TXLNG: variants seen among roughly 807,000 people sequenced by gnomAD.
TXLNG encodes the protein taxilin gamma.
TXLNG carries 5 observed loss-of-function variants against 38.8 expected under a neutral mutation model. The observed-to-expected ratio is 0.13, with a 90% CI of 0.07 to 0.27. TXLNG has a LOEUF of 0.27. TXLNG is among the 10% of genes least tolerant of loss of function. The pLI is 1.00. For synonymous variants in TXLNG, 182 were observed against 158.2 expected (o/e 1.15, Z -1.13); for missense variants, 393 against 398.2 (o/e 0.99, Z 0.11).
At position 16,786,479 on chromosome X, in the gene TXLNG, C is replaced by T. The variant is rs1260434760; in HGVS notation, c.-9C>T. On this transcript the variant is annotated 5_prime_UTR_variant, in exon 1 of 10. Transcript: ENST00000380122. Reference sequence around the variant, plus strand: ...GTCGGGCCGCTTGTTTGGCTGCTGCCGTCACCTCATGGCGACGCGGGTAGA... The same window carrying T: ...GTCGGGCCGCTTGTTTGGCTGCTGCTGTCACCTCATGGCGACGCGGGTAGA... 8 of 1,112,130 alleles carry T rather than the reference C, an allele frequency of 7.2e-6. No homozygotes were observed. The highest frequency in any genetic ancestry group is 7.7e-5 in the East Asian group (2 of 26,096). 91.7% of individuals were successfully genotyped at this position (1,112,130 alleles called of 1,213,427 possible).
chrX:16,827,956 A>G (rs766819545), intron 3 of TXLNG, 138 bp from the exon 4 acceptor site: 1 of 508,338 alleles, frequency 2.0e-6, no homozygotes, highest in South Asian at 8.6e-5. Context: ...GTAGCATGGC[A>G]TGAAACAATT....
rs138685768 is a variant in TXLNG, at chrX:16,841,544, G to A, written c.1365G>A (p.Leu455=). ...AGCTCAATGAGAAGGTGGAAGTCCT[G>A]AAAGAGCAGGTATCCATCAAAGCGG... The part of the protein sequence containing the change: ...RNELNEKVEV[L]KEQVSIKAAI... The change falls in exon 10 of 10, where the codon CTG becomes CTA. Residue 455 remains leucine, a synonymous_variant. Transcript: ENST00000380122. 2 of 1,210,152 alleles carry A rather than the reference G, an allele frequency of 1.7e-6. No individual in the cohort carries two copies. The highest frequency in any genetic ancestry group is 3.5e-5 in the African/African-American group (2 of 57,137).
At chrX:16,792,873 G>A (rs781617089) in intron 1 of TXLNG, among the ~76,000 whole-genome samples, 15 of 110,487 alleles carry the variant, frequency 1.4e-4, no homozygotes, top group African/African-American at 4.6e-4. Flanking sequence ...GAGGCAGGTG[G>A]ATCACCTGAG....
intron 5 of TXLNG, among the ~76,000 whole-genome samples, chrX:16,831,520 C>T (rs773990343): frequency 5.3e-5 from 6 of 112,672 alleles, no homozygotes; most frequent in African/African-American, 1.6e-4. Context: ...GTTTATATAA[C>T]GCCAGTCTCT....
chrX:16,820,767 ATTATT>A (rs1168332548), intron 3 of TXLNG, among the ~76,000 whole-genome samples: 2 of 112,020 alleles, frequency 1.8e-5, no homozygotes, highest in Admixed American at 1.9e-4. Context: ...TCTCAGCTAT[ATTATT>A]TTATTTTATT....
intron 8 of TXLNG, among the ~76,000 whole-genome samples, chrX:16,838,147 ATTCT>A (rs1929663980): frequency 9.0e-6 from 1 of 111,636 alleles, no homozygotes; most frequent in African/African-American, 3.3e-5. Context: ...CTCCCACTGA[ATTCT>A]TTCTCCCCTG....
chrX:16,831,096 G>T (rs1048491541), intron 5 of TXLNG, among the ~76,000 whole-genome samples: 72 of 111,544 alleles, frequency 6.5e-4, no homozygotes, highest in African/African-American at 2.2e-3. Flanking sequence ...GCTCAAAAAA[G>T]TAAGGATTTA....
At chrX:16,821,723 G>T (rs1233785590) in intron 3 of TXLNG, among the ~76,000 whole-genome samples, 3 of 111,511 alleles carry the variant, frequency 2.7e-5, no homozygotes, top group Non-Finnish European at 5.7e-5. Context: ...GGGCGCGGTG[G>T]CTCACGCCTG....
chrX:16,824,897 G>C (rs916741969), intron 3 of TXLNG, among the ~76,000 whole-genome samples: 3 of 109,447 alleles, frequency 2.7e-5, no homozygotes, highest in African/African-American at 1.0e-4. Flanking sequence ...CTGCATTCCA[G>C]CCTGGGCAGC....
At chrX:16,797,873 A>G (rs894863565) in intron 1 of TXLNG, among the ~76,000 whole-genome samples, 1 of 112,728 alleles carries the variant, frequency 8.9e-6, no homozygotes, top group African/African-American at 3.2e-5. Flanking sequence ...CTGATTTTCC[A>G]AAATGTTACT....
rs747782846 is a variant in TXLNG, at chrX:16,800,562, C to CT, written c.102+13993dup. ...CGAGCCAGGCCTGGAGAGGAGGAAA[C>CT]TTTTTTTTTTTTTTTTTTTTGAGAT... On this transcript the variant is annotated intron_variant, in intron 1 of 9. Transcript: ENST00000380122. Among the ~76,000 whole-genome samples the CT allele has an allele frequency of 5.7e-3, 389 of 68,193 alleles. 1 individual carries two copies. The highest frequency in any genetic ancestry group is 0.012 in the Middle Eastern group (1 of 86). The allele number at this position is 68,193 out of a possible 115,157, so 59.2% of individuals were successfully genotyped here.
chrX:16,823,458 CAAAAAAAAAAAAA>C (rs11311011), intron 3 of TXLNG, among the ~76,000 whole-genome samples: 3 of 24,959 alleles, frequency 1.2e-4, no homozygotes, highest in Admixed American at 7.1e-4. Context: ...AACTCTGTCT[CAAAAAAAAAAAAA>C]AAAAAAAAAA....
intron 1 of TXLNG, among the ~76,000 whole-genome samples, chrX:16,795,029 G>C (rs1927830755): frequency 9.0e-6 from 1 of 111,325 alleles, no homozygotes; most frequent in African/African-American, 3.3e-5. Context: ...TGTAATCCCA[G>C]CACTTTGGGA....
At chrX:16,794,473 A>G (rs1288586124) in intron 1 of TXLNG, among the ~76,000 whole-genome samples, 6 of 111,829 alleles carry the variant, frequency 5.4e-5, no homozygotes, top group African/African-American at 1.6e-4. Flanking sequence ...ACTTCCTGCA[A>G]CAGTACCTCC....
At chrX:16,815,467 G>A (rs1928702878) in intron 1 of TXLNG, among the ~76,000 whole-genome samples, 1 of 111,051 alleles carries the variant, frequency 9.0e-6, no homozygotes, top group South Asian at 3.8e-4. Context: ...GAGCCACCGC[G>A]ACCGGCCTGT....
At chrX:16,822,626 G>A (rs1460214154) in intron 3 of TXLNG, among the ~76,000 whole-genome samples, 1 of 111,683 alleles carries the variant, frequency 9.0e-6, no homozygotes, top group African/African-American at 3.3e-5. Flanking sequence ...GGCGGAAAAA[G>A]AAGAAAGACA....
intron 6 of TXLNG, 127 bp from the exon 7 acceptor site, chrX:16,834,156 G>C: frequency 4.1e-6 from 2 of 493,387 alleles, no homozygotes; most frequent in Non-Finnish European, 6.8e-6. Flanking sequence ...TTGTGGAACA[G>C]ACTGTTTCAT....
Position 16,828,346 on chromosome X carries a change from C to G in TXLNG, c.669+82C>G, listed in dbSNP as rs62586589. ...AACCCTGTGCCTATCTGAAATAAATCCTTGTCTCTACTTGGAGACAGATAC... is the reference window on the plus strand; with the variant it reads ...AACCCTGTGCCTATCTGAAATAAATGCTTGTCTCTACTTGGAGACAGATAC... On this transcript the variant is annotated intron_variant, in intron 4 of 9. Transcript: ENST00000380122. The G allele has an allele frequency of 9.5e-3, 9,203 of 967,887 alleles. 48 individuals are homozygous for G. Among genetic ancestry groups the G allele is most frequent in the Non-Finnish European group, 0.012 (8,344 of 720,779 alleles). The allele number at this position is 967,887 out of a possible 1,213,427, so 79.8% of individuals were successfully genotyped here.
intron 9 of TXLNG, among the ~76,000 whole-genome samples, chrX:16,841,143 C>G (rs1038922907): frequency 1.8e-5 from 2 of 108,369 alleles, no homozygotes; most frequent in South Asian, 8.1e-4. Context: ...TGCAGTGAGC[C>G]GAGATCACGC....
Sources: gnomAD v4.1 joint callset for allele counts (sites outside exome capture counted in the v4.1 genomes callset) on GRCh38, gnomAD v4.1.1 for gene constraint, MANE v1.5 for transcripts, NCBI Gene and HGNC (gene_info 2026-07-23, HGNC 2026-07-21) for gene names.